FAM83B: variants seen among roughly 807,000 people sequenced by gnomAD.
FAM83B encodes scaffolding CK1 anchoring protein B, also known as protein FAM83B.
Under a neutral mutation model 38.8 loss-of-function variants are expected in FAM83B, and 26 were observed. The ratio of observed to expected loss-of-function variants is 0.67; its 90% CI spans 0.49 to 0.93. FAM83B has a LOEUF of 0.93. Among genes scored for constraint, FAM83B ranks in the 40% least tolerant of loss-of-function variants. The pLI, the probability that FAM83B is intolerant of heterozygous loss-of-function variation, is 0.00. For synonymous variants in FAM83B, 419 were observed against 423.1 expected, an observed-to-expected ratio of 0.99 and a Z score of 0.12; for missense variants, 1,237 against 1,197.3, an observed-to-expected ratio of 1.03 and a Z score of -0.49.
intron 2 of FAM83B, among the ~76,000 whole-genome samples, chr6:54,897,524 A>C (rs239849): frequency 0.2 from 30,338 of 152,078 alleles, 3,447 homozygotes; most frequent in African/African-American, 0.31. Flanking sequence ...TTCCATCTGA[A>C]AACTGCAGAT....
intron 2 of FAM83B, among the ~76,000 whole-genome samples, chr6:54,884,299 TAA>T (rs70983475): frequency 1.6e-3 from 133 of 82,270 alleles, no homozygotes; most frequent in Admixed American, 2.3e-3. Context: ...AGACCCCGTC[TAA>T]AAAAAAAAAA....
At chr6:54,875,541 A>G (rs1173686207) in intron 2 of FAM83B, among the ~76,000 whole-genome samples, 1 of 152,170 alleles carries the variant, frequency 6.6e-6, no homozygotes, top group Non-Finnish European at 1.5e-5. Context: ...TGGGACATTA[A>G]GTTGAACATT....
intron 3 of FAM83B, 51 bp downstream of exon 3, chr6:54,926,586 C>G: frequency 7.1e-7 from 1 of 1,402,944 alleles, no homozygotes; most frequent in Non-Finnish European, 9.6e-7. Context: ...TCATTTTCAA[C>G]TCAGTCAAAT....
At chr6:54,922,010 A>G (rs777783133) in intron 2 of FAM83B, among the ~76,000 whole-genome samples, 4 of 152,058 alleles carry the variant, frequency 2.6e-5, no homozygotes, top group Non-Finnish European at 5.9e-5. Flanking sequence ...CTGAAAAGCA[A>G]CCTGGCTTGG....
intron 2 of FAM83B, among the ~76,000 whole-genome samples, chr6:54,896,230 A>G (rs1157764982): frequency 6.6e-6 from 1 of 152,164 alleles, no homozygotes; most frequent in Non-Finnish European, 1.5e-5. Flanking sequence ...AAAAAATACA[A>G]CCATTGATAA....
chr6:54,904,318 C>G (rs149472295), intron 2 of FAM83B, among the ~76,000 whole-genome samples: 1 of 152,222 alleles, frequency 6.6e-6, no homozygotes, highest in Non-Finnish European at 1.5e-5. Flanking sequence ...TCAAAAGCAG[C>G]CAGTAGCATG....
chr6:54,940,496 C>T lies in FAM83B; in HGVS notation c.1525C>T (p.Pro509Ser), dbSNP rs781353175. 2 of 1,614,066 alleles carry T rather than the reference C, an allele frequency of 1.2e-6. No homozygotes were observed. Among genetic ancestry groups the T allele is most frequent in the South Asian group, 2.2e-5 (2 of 91,080 alleles). The change falls in exon 5 of 5, where the codon CCG becomes TCG. Residue 509 changes from proline (P) to serine (S), a missense_variant. Physicochemically the swap from Pro to Ser is moderately conservative, Grantham distance 74 (BLOSUM62 -1). Coordinates refer to ENST00000306858, the MANE Select transcript of FAM83B (RefSeq NM_001010872.3). ...SYLNDHSEAT[P>S]DSNGSALGDR... is the part of the protein sequence containing the mutation. ...CTTAAATGATCATTCAGAAGCTACA[C>T]CGGACTCAAATGGATCAGCTTTAGG...
chr6:54,935,763 C>T (rs1034987609), intron 4 of FAM83B, among the ~76,000 whole-genome samples: 13 of 152,028 alleles, frequency 8.6e-5, no homozygotes, highest in African/African-American at 3.1e-4. Flanking sequence ...AATGCTAAGA[C>T]TAGGGTGATA....
At chr6:54,909,080 G>C (rs1772846027) in intron 2 of FAM83B, among the ~76,000 whole-genome samples, 1 of 152,100 alleles carries the variant, frequency 6.6e-6, no homozygotes, top group African/African-American at 2.4e-5. Flanking sequence ...GCTGTTTTGA[G>C]AAATTTGATT....
At chr6:54,887,854 C>A (rs374598720) in intron 2 of FAM83B, among the ~76,000 whole-genome samples, 4 of 151,790 alleles carry the variant, frequency 2.6e-5, no homozygotes, top group African/African-American at 9.6e-5. Context: ...ATATGTTCAA[C>A]TTTTCTCTGT....
Position 54,942,564 on chromosome 6 carries a change from TA to T in FAM83B, c.*558del, listed in dbSNP as rs1302695741. Among the ~76,000 whole-genome samples the T allele has an allele frequency of 6.6e-6, 1 of 151,286 alleles. No individual in the cohort carries two copies. The highest frequency in any genetic ancestry group is 3.2e-3 in the Middle Eastern group (1 of 316). ...AGTACCTTTTACATTTTTTATTTTTTATTTTTTTTTCTGCCTGAAGTGTTTG... is the reference window on the plus strand; with the variant it reads ...AGTACCTTTTACATTTTTTATTTTTTTTTTTTTTTCTGCCTGAAGTGTTTG... On this transcript the variant is annotated 3_prime_UTR_variant, in exon 5 of 5. Coordinates refer to ENST00000306858, the MANE Select transcript of FAM83B (RefSeq NM_001010872.3).
chr6:54,873,982 A>AG (rs1771927483), intron 2 of FAM83B, among the ~76,000 whole-genome samples: 1 of 152,082 alleles, frequency 6.6e-6, no homozygotes, highest in African/African-American at 2.4e-5. Context: ...ATAAGCACCA[A>AG]GTTAACCTTC....
rs775587388 is a variant in FAM83B, at chr6:54,940,267, C to T, written c.1296C>T (p.Gly432=). The change falls in exon 5 of 5, where the codon GGC becomes GGT. Residue 432 remains glycine, a synonymous_variant. Transcript: ENST00000306858. The stretch of plus-strand genomic sequence containing the variant: ...GTGTGGCGTCCTCATCACGGGAAGG[C>T]TATGTAAGCCACCACAACACACCTG... ...SLSVASSSRE[G]YVSHHNTPAQ... 2.9e-5 allele frequency: 47 copies of T among 1,613,884 alleles called. No homozygotes were observed. In the Admixed American group the frequency reaches 6.7e-4, roughly 23 times the overall value.
chr6:54,929,720 T>A (rs1272622271), intron 4 of FAM83B, among the ~76,000 whole-genome samples: 1 of 152,100 alleles, frequency 6.6e-6, no homozygotes, highest in Non-Finnish European at 1.5e-5. Flanking sequence ...CTGTTACTAT[T>A]TACATTTGAT....
chr6:54,917,175 G>A (rs1218811913), intron 2 of FAM83B, among the ~76,000 whole-genome samples: 3 of 152,112 alleles, frequency 2.0e-5, no homozygotes, highest in South Asian at 2.1e-4. Context: ...TTGAGAACAG[G>A]TGCCATGTAG....
chr6:54,894,456 T>C (rs1772472554), intron 2 of FAM83B, among the ~76,000 whole-genome samples: 1 of 152,184 alleles, frequency 6.6e-6, no homozygotes, highest in African/African-American at 2.4e-5. Flanking sequence ...AACATATTTG[T>C]GTGATGTCTG....
At chr6:54,918,295 T>C (rs1773091660) in intron 2 of FAM83B, among the ~76,000 whole-genome samples, 4 of 152,292 alleles carry the variant, frequency 2.6e-5, no homozygotes, top group Middle Eastern at 6.8e-3. Context: ...GATCCTTCAA[T>C]AGCAGCAAGT....
chr6:54,924,090 T>G (rs969338416), intron 2 of FAM83B, among the ~76,000 whole-genome samples: 9 of 152,018 alleles, frequency 5.9e-5, no homozygotes, highest in Non-Finnish European at 1.2e-4. Context: ...AGTATTTGTC[T>G]TTCTGTGTCT....
chr6:54,866,483 C>T (rs1018457355), intron 1 of FAM83B, among the ~76,000 whole-genome samples: 1 of 152,092 alleles, frequency 6.6e-6, no homozygotes, highest in African/African-American at 2.4e-5. Context: ...ATCTACCTCT[C>T]CGACTGTCAT....
Sources: allele counts gnomAD v4.1 joint callset (sites outside exome capture counted in the v4.1 genomes callset), GRCh38; gene constraint gnomAD v4.1.1; transcripts MANE v1.5; gene names NCBI Gene and HGNC (gene_info 2026-07-23, HGNC 2026-07-21).